Variants in DMC1 observed in about 807,000 individuals in gnomAD.
The protein encoded by DMC1 is DNA meiotic recombinase 1, also known as meiotic recombination protein DMC1 homolog.
A neutral mutation model predicts 50.1 loss-of-function variants in DMC1; 27 were observed. That is an observed-to-expected ratio of 0.54 (90% confidence interval 0.40 to 0.74). The LOEUF is 0.74. Ranked by LOEUF, DMC1 falls within the 30% of genes least tolerant of loss-of-function variation. The probability of loss-of-function intolerance (pLI) is 0.00; values close to 1 mark genes in which losing one functional copy is unlikely to be tolerated. For synonymous variants in DMC1, 148 were observed against 136.1 expected, an observed-to-expected ratio of 1.09 and a Z score of -0.61; for missense variants, 295 against 420.2, an observed-to-expected ratio of 0.70 and a Z score of 2.60.
chr22:38,543,663 A>G (rs1036802547), intron 8 of DMC1, among the ~76,000 whole-genome samples: 4 of 152,008 alleles, frequency 2.6e-5, no homozygotes, highest in Non-Finnish European at 5.9e-5. Flanking sequence ...TCTTGCCCCT[A>G]GTTTCAGTAA....
downstream of DMC1, among the ~76,000 whole-genome samples, chr22:38,514,253 T>TC (rs1165029289): frequency 7.2e-6 from 1 of 138,726 alleles, no homozygotes; most frequent in East Asian, 2.1e-4. Flanking sequence ...ATTCTTTTTT[T>TC]TTTTTTTTTT....
intron 3 of DMC1, 95 bp from the exon 4 acceptor site, chr22:38,566,831 C>G (rs939372301): frequency 7.8e-7 from 1 of 1,289,254 alleles, no homozygotes; most frequent in East Asian, 2.4e-5. Context: ...TCTCCTTCCA[C>G]CATGATGCCA....
At chr22:38,515,409 G>A (rs1254027112), downstream of DMC1, among the ~76,000 whole-genome samples, 2 of 150,888 alleles carry the variant, frequency 1.3e-5, no homozygotes, top group African/African-American at 2.4e-5. Context: ...CTCAGGAGGC[G>A]GAGGTTGCAA....
chr22:38,554,349 A>C (rs2090446472), intron 6 of DMC1, among the ~76,000 whole-genome samples: 1 of 151,948 alleles, frequency 6.6e-6, no homozygotes, highest in Admixed American at 6.6e-5. Flanking sequence ...ATCAAACAAT[A>C]AGCTCAGAAA....
intron 5 of DMC1, among the ~76,000 whole-genome samples, chr22:38,556,430 G>C (rs948783978): frequency 6.6e-6 from 1 of 152,108 alleles, no homozygotes; most frequent in Non-Finnish European, 1.5e-5. Flanking sequence ...ATGAAAAACA[G>C]GTATTAGGAA....
chr22:38,545,901 ATAAT>A (rs1002815559), intron 8 of DMC1: 10 of 152,236 alleles, frequency 6.6e-5, no homozygotes, highest in African/African-American at 2.4e-4. Context: ...AATTTAAAAC[ATAAT>A]TAAGGAGGCA....
intron 4 of DMC1, among the ~76,000 whole-genome samples, chr22:38,564,139 A>G (rs2090557381): frequency 1.3e-5 from 2 of 152,222 alleles, no homozygotes; most frequent in African/African-American, 2.4e-5. Flanking sequence ...ACTGTACTCC[A>G]GCCAGGGTGA....
chr22:38,544,501 C>T (rs113451200), intron 8 of DMC1, among the ~76,000 whole-genome samples: 2,460 of 152,272 alleles, frequency 0.016, 69 homozygotes, highest in African/African-American at 0.054. Context: ...CTTACATATA[C>T]TGATAGATGT....
In DMC1 at chr22:38,519,068, T is replaced by G. The variant is rs1234294828; in HGVS notation, c.*952A>C. 6.6e-6 allele frequency: 1 copy of G among 151,454 alleles called. No individual in the cohort carries two copies. Among genetic ancestry groups the G allele is most frequent in the East Asian group, 1.9e-4 (1 of 5,150 alleles). The allele number at this position is 151,454 out of a possible 1,614,324, so 9.4% of individuals were successfully genotyped here. ...AATTTTAACATTTTAAAAAAGTTTTTTTTTTTTTTTTGAGACGGAGTCTCA... is the reference window on the plus strand; with the variant it reads ...AATTTTAACATTTTAAAAAAGTTTTGTTTTTTTTTTTGAGACGGAGTCTCA... On this transcript the variant is annotated 3_prime_UTR_variant, in exon 14 of 14. Transcript: ENST00000216024.
At chr22:38,512,183 C>T in the DMC1 span, among the ~76,000 whole-genome samples, 122 of 152,206 alleles carry the variant, frequency 8.0e-4, no homozygotes, top group Middle Eastern at 3.4e-3. Context: ...CCAGGTTGGC[C>T]AGGCTGGTCT....
chr22:38,539,289 G>T (rs2090253476), intron 9 of DMC1, 32 bp downstream of exon 9: 2 of 1,512,934 alleles, frequency 1.3e-6, no homozygotes, highest in African/African-American at 1.4e-5. Context: ...ACCTTACATT[G>T]ACCCAAGCAT....
chr22:38,531,668 T>C (rs2090153120), intron 12 of DMC1, among the ~76,000 whole-genome samples: 1 of 152,222 alleles, frequency 6.6e-6, no homozygotes, highest in Non-Finnish European at 1.5e-5. Flanking sequence ...TAATTTAATA[T>C]ACTTTATTAA....
the DMC1 span, among the ~76,000 whole-genome samples, chr22:38,511,763 G>A: frequency 6.6e-6 from 1 of 152,052 alleles, no homozygotes; most frequent in South Asian, 2.1e-4. Flanking sequence ...ACCATGCCTG[G>A]CTCCTTTTCC....
intron 12 of DMC1, among the ~76,000 whole-genome samples, chr22:38,529,261 G>A (rs1297869540): frequency 6.6e-6 from 1 of 151,982 alleles, no homozygotes; most frequent in Non-Finnish European, 1.5e-5. Context: ...CACCTGCCTC[G>A]GCCTCCCAAA....
At chr22:38,514,880 C>T (rs181610955), downstream of DMC1, among the ~76,000 whole-genome samples, 422 of 151,926 alleles carry the variant, frequency 2.8e-3, 1 homozygote, top group Middle Eastern at 0.021. Flanking sequence ...AAGAACTAAC[C>T]GTAAGTATAC....
At chr22:38,520,504 CCTG>C in intron 13 of DMC1, among the ~76,000 whole-genome samples, 1 of 152,010 alleles carries the variant, frequency 6.6e-6, no homozygotes, top group East Asian at 1.9e-4. Flanking sequence ...ATTACAGGTG[CCTG>C]CCACCACGCC....
chr22:38,537,492 G>A (rs949410788), intron 12 of DMC1, 100 bp downstream of exon 12: 31 of 1,112,156 alleles, frequency 2.8e-5, no homozygotes, highest in Non-Finnish European at 4.2e-5. Context: ...AATTACAGGC[G>A]TGAGCCACCG....
chr22:38,561,988 C>T (rs371239947), intron 5 of DMC1, among the ~76,000 whole-genome samples: 87 of 152,252 alleles, frequency 5.7e-4, no homozygotes, highest in African/African-American at 2.0e-3. Context: ...AAACATCCTT[C>T]ATATGGAGAA....
chr22:38,544,810 T>C (rs2090325623), intron 8 of DMC1, among the ~76,000 whole-genome samples: 1 of 151,250 alleles, frequency 6.6e-6, no homozygotes, highest in Admixed American at 6.6e-5. Context: ...TTTTTTTGTA[T>C]TTTAGTAGAG....
Sources: gnomAD v4.1 joint callset for allele counts (sites outside exome capture counted in the v4.1 genomes callset) on GRCh38, gnomAD v4.1.1 for gene constraint, MANE v1.5 for transcripts, NCBI Gene and HGNC (gene_info 2026-07-23, HGNC 2026-07-21) for gene names.